DDIT3: variants seen among roughly 807,000 people sequenced by gnomAD.
The protein encoded by DDIT3 is DNA damage inducible transcript 3.
In DDIT3, 14 loss-of-function variants were observed where a neutral mutation model predicts 17.6. The ratio of observed to expected loss-of-function variants is 0.80; its 90% CI spans 0.53 to 1.25. The LOEUF is 1.25. DDIT3 is among the 50% of genes most tolerant of loss of function. DDIT3 has a pLI of 0.00. For missense variants in DDIT3, 216 were observed against 202.7 expected, an observed-to-expected ratio of 1.07 and a Z score of -0.40; for synonymous variants, 93 against 76.5, an observed-to-expected ratio of 1.22 and a Z score of -1.13.
At chr12:57,520,327 C>A in intron 1 of DDIT3, 91 bp downstream of exon 1, 1 of 398,196 alleles carries the variant, frequency 2.5e-6, no homozygotes. Flanking sequence ...TCCCTAACTT[C>A]ACTGTGGAGG....
At position 57,516,617 on chromosome 12, in the gene DDIT3, A is replaced by G. The variant is rs370566486; in HGVS notation, c.*192T>C. On this transcript the variant is annotated 3_prime_UTR_variant, in exon 4 of 4. Transcript: ENST00000346473. ...CTCATAGAAAGTCACTTTAATAGAT[A>G]GGGACAGTAATAAATAAATGTACAA... The G allele has an allele frequency of 1.5e-5, 23 of 1,543,988 alleles. No individual in the cohort carries two copies. The African/African-American group carries it at 2.9e-4, about 20-fold the overall frequency.
At chr12:57,518,419 AT>A (rs1878042464) in intron 1 of DDIT3, among the ~76,000 whole-genome samples, 1 of 152,168 alleles carries the variant, frequency 6.6e-6, no homozygotes, top group African/African-American at 2.4e-5. Context: ...CCAAATGTAC[AT>A]TTCCAGTCTG....
At chr12:57,519,557 T>C (rs766127081) in intron 1 of DDIT3, among the ~76,000 whole-genome samples, 2 of 152,192 alleles carry the variant, frequency 1.3e-5, no homozygotes, top group South Asian at 2.1e-4. Flanking sequence ...AGATGCAATA[T>C]TGCCCGAAGT....
chr12:57,519,142 A>G (rs770394929), intron 1 of DDIT3: 2 of 533,138 alleles, frequency 3.8e-6, no homozygotes, highest in Non-Finnish European at 7.7e-6. Context: ...TCTATTCACC[A>G]TACAGCAGCC....
Position 57,517,064 on chromosome 12 carries a change from G to A in DDIT3, c.255C>T (p.Ser85=). The change falls in exon 4 of 4, where the codon TCC becomes TCT. Residue 85 remains serine, a synonymous_variant. Coordinates refer to ENST00000346473, the MANE Select transcript of DDIT3 (RefSeq NM_004083.6). Reference sequence around the variant, plus strand: ...CCTCCTGAGCCAGGGAGCTCTGACTGGAATCTGGAGAGTGAGGGCTCTGGG... The same window carrying A: ...CCTCCTGAGCCAGGGAGCTCTGACTAGAATCTGGAGAGTGAGGGCTCTGGG... ...STSQSPHSPD[S]SQSSLAQEEE... The A allele has an allele frequency of 6.2e-7, 1 of 1,614,162 alleles. No homozygotes were observed. The highest frequency in any genetic ancestry group is 1.1e-5 in the South Asian group (1 of 91,078).
chr12:57,519,927 C>A (rs1317948312), intron 1 of DDIT3, among the ~76,000 whole-genome samples: 1 of 152,226 alleles, frequency 6.6e-6, no homozygotes, highest in African/African-American at 2.4e-5. Context: ...TTCCCCTATC[C>A]GCTGCAGGGT....
intron 2 of DDIT3, 105 bp from the exon 3 acceptor site, chr12:57,517,543 C>T (rs2140042381): frequency 1.7e-6 from 2 of 1,200,764 alleles, no homozygotes; most frequent in Non-Finnish European, 2.4e-6. Context: ...TAAAGTTGTA[C>T]TGGAATACAG....
Position 57,516,713 on chromosome 12 carries a change from G to GGTCA in DDIT3, c.*92_*95dup. On this transcript the variant is annotated 3_prime_UTR_variant, in exon 4 of 4. Transcript: ENST00000346473. ...TTCCCCCTGCGTATGTGGGATTGAG[G>GGTCA]GTCACATCATTGGCACTAGTGAGAG... The GGTCA allele has an allele frequency of 6.5e-7, 1 of 1,540,896 alleles. No individual in the cohort carries two copies. Among genetic ancestry groups the GGTCA allele is most frequent in the Non-Finnish European group, 8.7e-7 (1 of 1,144,350 alleles).
intron 1 of DDIT3, chr12:57,519,050 T>G (rs1173054784): frequency 1.9e-6 from 1 of 524,990 alleles, no homozygotes; most frequent in Admixed American, 1.9e-5. Flanking sequence ...CTAGATCAAT[T>G]CACTACCATC....
At chr12:57,520,238 G>T (rs1046568664) in intron 1 of DDIT3, among the ~76,000 whole-genome samples, 180 bp downstream of exon 1, 1 of 152,198 alleles carries the variant, frequency 6.6e-6, no homozygotes. Flanking sequence ...GGGGTGGAGA[G>T]ACGCCGTCGT....
chr12:57,516,664 C>T lies in DDIT3; in HGVS notation c.*145G>A, dbSNP rs1877861430. ...ACAATCTCTATATACAAGCTGAGAC[C>T]TTTCCTTTTGTCTACTCCAAGCCTT... On this transcript the variant is annotated 3_prime_UTR_variant, in exon 4 of 4. Transcript: ENST00000346473. 2.0e-6 allele frequency: 3 copies of T among 1,522,662 alleles called. No homozygotes were observed. The highest frequency in any genetic ancestry group is 2.8e-5 in the African/African-American group (2 of 71,638). 94.3% of individuals were successfully genotyped at this position (1,522,662 alleles called of 1,614,324 possible).
chr12:57,520,246 C>CG lies in DDIT3; in HGVS notation c.-81+171dup, dbSNP rs567627650. On this transcript the variant is annotated intron_variant, in intron 1 of 3. Transcript: ENST00000346473. Reference sequence around the variant, plus strand: ...CCGGGCAGGGGTGGAGAGACGCCGTCGTCCGAAGCAATAGGGGTTTGTAAG... The same window carrying CG: ...CCGGGCAGGGGTGGAGAGACGCCGTCGGTCCGAAGCAATAGGGGTTTGTAAG... 5.3e-5 allele frequency among the ~76,000 whole-genome samples: 8 copies of CG among 152,304 alleles called. No individual in the cohort carries two copies. The South Asian group carries it at 1.5e-3, about 28-fold the overall frequency.
rs775221792 is a variant in DDIT3, at chr12:57,517,458, G to A, written c.-32-20C>T. On this transcript the variant is annotated intron_variant, in intron 2 of 3. Transcript: ENST00000346473. ...GCACATCTGCAGGATAATGGGGAGT[G>A]GCTGGAACAAGCTCCATGTAGCAAA... is the stretch of plus-strand genomic sequence containing the variant. 1 of 1,600,458 alleles carries A rather than the reference G, an allele frequency of 6.2e-7. No individual in the cohort carries two copies. The highest frequency in any genetic ancestry group is 1.1e-5 in the South Asian group (1 of 91,032).
Position 57,516,635 on chromosome 12 carries a change from A to G in DDIT3, c.*174T>C, listed in dbSNP as rs1053025938. 148 of 1,531,444 alleles carry G rather than the reference A, an allele frequency of 9.7e-5. No individual in the cohort carries two copies. Among genetic ancestry groups the G allele is most frequent in the Middle Eastern group, 7.0e-4 (4 of 5,678 alleles). 94.9% of individuals were successfully genotyped at this position (1,531,444 alleles called of 1,614,324 possible). On this transcript the variant is annotated 3_prime_UTR_variant, in exon 4 of 4. Coordinates refer to ENST00000346473, the MANE Select transcript of DDIT3 (RefSeq NM_004083.6). Reference sequence around the variant, plus strand: ...AATAGATAGGGACAGTAATAAATAAATGTACAATCTCTATATACAAGCTGA... The same window carrying G: ...AATAGATAGGGACAGTAATAAATAAGTGTACAATCTCTATATACAAGCTGA...
At chr12:57,517,519 C>G (rs1260991275) in intron 2 of DDIT3, 81 bp from the exon 3 acceptor site, 1 of 1,483,734 alleles carries the variant, frequency 6.7e-7, no homozygotes, top group African/African-American at 1.4e-5. Flanking sequence ...TGGTCTGATG[C>G]CTGTTTTTGT....
At chr12:57,517,944 G>A (rs28382847) in intron 1 of DDIT3, among the ~76,000 whole-genome samples, 191 bp from the exon 2 acceptor site, 55 of 151,020 alleles carry the variant, frequency 3.6e-4, no homozygotes, top group African/African-American at 1.3e-3. Flanking sequence ...CTTCTGCCTC[G>A]GCCTCCCGAG....
chr12:57,518,271 T>C (rs1878032433), intron 1 of DDIT3, among the ~76,000 whole-genome samples: 1 of 152,202 alleles, frequency 6.6e-6, no homozygotes, highest in South Asian at 2.1e-4. Context: ...CCTGGTTACA[T>C]AATAGTAAAG....
chr12:57,518,013 G>C (rs1232749568), intron 1 of DDIT3, among the ~76,000 whole-genome samples: 1 of 152,094 alleles, frequency 6.6e-6, no homozygotes, highest in East Asian at 1.9e-4. Context: ...TTTTAGCAGA[G>C]ATAGGGTTTC....
rs1877976543 is a variant in DDIT3 at position 57,517,714 on chromosome 12, A to C, written c.-41T>G. On this transcript the variant is annotated 5_prime_UTR_variant, in exon 2 of 4. It removes the in-frame stop codon of an upstream open reading frame in the 5' UTR. Transcript: ENST00000346473. The stretch of plus-strand genomic sequence containing the variant: ...GGGTAGGTTAAGTTTACCTGCTTTC[A>C]GGTGTGGTGATGTATGAAGATACAC... 1.8e-6 allele frequency: 1 copy of C among 559,474 alleles called. No homozygotes were observed. Among genetic ancestry groups the C allele is most frequent in the Non-Finnish European group, 3.2e-6 (1 of 315,614 alleles). The allele number at this position is 559,474 out of a possible 1,614,324, so 34.7% of individuals were successfully genotyped here. A position where few individuals can be genotyped will look rare whatever the true frequency, so the allele number is the denominator to read the frequency against.
Sources: gnomAD v4.1 joint callset for allele counts (sites outside exome capture counted in the v4.1 genomes callset) on GRCh38, gnomAD v4.1.1 for gene constraint, MANE v1.5 for transcripts, NCBI Gene and HGNC (gene_info 2026-07-23, HGNC 2026-07-21) for gene names.